TBCA: variants seen among roughly 807,000 people sequenced by gnomAD.
The protein encoded by TBCA is tubulin folding cofactor A.
Under a neutral mutation model 15.8 loss-of-function variants are expected in TBCA, and 6 were observed. The observed-to-expected ratio is 0.38, with a 90% CI of 0.21 to 0.75. The LOEUF (loss-of-function observed/expected upper bound fraction) is 0.75. TBCA is among the 30% of genes least tolerant of loss of function. TBCA has a pLI of 0.46. For synonymous variants in TBCA, 32 were observed against 42.3 expected (o/e 0.76, Z 0.94); for missense variants, 90 against 131.2 (o/e 0.69, Z 1.53).
chr5:77,776,086 G>C (rs1465971315), intron 1 of TBCA, 119 bp downstream of exon 1: 1 of 1,277,942 alleles, frequency 7.8e-7, no homozygotes, highest in Non-Finnish European at 1.1e-6. Flanking sequence ...CGGAGCCCCG[G>C]GTGCGGCCTG....
intron 2 of TBCA, among the ~76,000 whole-genome samples, chr5:77,707,360 T>C (rs150144188): frequency 6.6e-6 from 1 of 152,194 alleles, no homozygotes; most frequent in African/African-American, 2.4e-5. Flanking sequence ...GAAAGTGTTA[T>C]GGGAGCAAAA....
chr5:77,746,730 C>G (rs1580124425), intron 1 of TBCA, among the ~76,000 whole-genome samples: 1 of 152,218 alleles, frequency 6.6e-6, no homozygotes, highest in South Asian at 2.1e-4. Flanking sequence ...AATGTACCAT[C>G]TGGACCACAG....
intron 2 of TBCA, among the ~76,000 whole-genome samples, chr5:77,694,934 A>G (rs765727771): frequency 3.3e-5 from 5 of 152,194 alleles, no homozygotes; most frequent in Non-Finnish European, 7.4e-5. Flanking sequence ...TTCAGAGCTA[A>G]TCATACTATA....
chr5:77,704,411 T>G (rs1746095727), intron 2 of TBCA, among the ~76,000 whole-genome samples: 1 of 152,076 alleles, frequency 6.6e-6, no homozygotes, highest in African/African-American at 2.4e-5. Flanking sequence ...ATACAGCCAA[T>G]TTAGAAGAAG....
At chr5:77,772,145 G>T (rs186865575) in intron 1 of TBCA, among the ~76,000 whole-genome samples, 462 of 151,342 alleles carry the variant, frequency 3.1e-3, no homozygotes, top group Non-Finnish European at 3.7e-3. Context: ...TCTGAATCAT[G>T]AATTAAGGTA....
chr5:77,728,638 G>A (rs1380747293), intron 1 of TBCA, among the ~76,000 whole-genome samples: 1 of 152,048 alleles, frequency 6.6e-6, no homozygotes, highest in Non-Finnish European at 1.5e-5. Flanking sequence ...AAAGTCAAAT[G>A]ATGTTCAAAT....
At chr5:77,720,997 A>C (rs1746518202) in intron 1 of TBCA, among the ~76,000 whole-genome samples, 1 of 152,232 alleles carries the variant, frequency 6.6e-6, no homozygotes, top group Non-Finnish European at 1.5e-5. Context: ...TTTGTCTAAA[A>C]CAGACAGATG....
chr5:77,697,997 G>T (rs1745910067), intron 2 of TBCA, among the ~76,000 whole-genome samples: 1 of 152,034 alleles, frequency 6.6e-6, no homozygotes, highest in South Asian at 2.1e-4. Context: ...ACACACATCT[G>T]TAGTCTCAGC....
At chr5:77,714,965 A>C (rs1204321738) in intron 1 of TBCA, among the ~76,000 whole-genome samples, 1 of 152,236 alleles carries the variant, frequency 6.6e-6, no homozygotes, top group East Asian at 1.9e-4. Context: ...GGCACTTTTT[A>C]GTGGGGAAAT....
At chr5:77,754,234 T>C (rs1156553330) in intron 1 of TBCA, among the ~76,000 whole-genome samples, 1 of 152,218 alleles carries the variant, frequency 6.6e-6, no homozygotes, top group East Asian at 1.9e-4. Flanking sequence ...AAATTACTTT[T>C]CTTTAACCTT....
At chr5:77,715,414 T>C (rs1050197870) in intron 1 of TBCA, 1 of 606,900 alleles carries the variant, frequency 1.6e-6, no homozygotes, top group East Asian at 2.7e-5. Flanking sequence ...TATGAAAACA[T>C]CTTTAAGAAG....
intron 1 of TBCA, among the ~76,000 whole-genome samples, chr5:77,763,892 C>T (rs1747712301): frequency 6.6e-6 from 1 of 152,118 alleles, no homozygotes; most frequent in Non-Finnish European, 1.5e-5. Context: ...TGGGTATATA[C>T]CCAAGAAAAA....
At chr5:77,696,186 T>C (rs190018103) in intron 2 of TBCA, among the ~76,000 whole-genome samples, 1 of 152,332 alleles carries the variant, frequency 6.6e-6, no homozygotes, top group East Asian at 1.9e-4. Context: ...AAGCTGGCTA[T>C]ACCTTTAGCT....
At chr5:77,705,717 A>C (rs900829272) in intron 2 of TBCA, 3 of 394,748 alleles carry the variant, frequency 7.6e-6, no homozygotes, top group African/African-American at 6.2e-5. Flanking sequence ...AGTCCCAGCT[A>C]CTCTGGAGGC....
chr5:77,710,731 CCT>C (rs1391902395), intron 1 of TBCA, among the ~76,000 whole-genome samples: 4 of 151,956 alleles, frequency 2.6e-5, no homozygotes, highest in Non-Finnish European at 5.9e-5. Context: ...CACATAACTC[CCT>C]GTTTCCTTAA....
chr5:77,763,571 CAA>C (rs1747699143), intron 1 of TBCA, among the ~76,000 whole-genome samples: 1 of 152,106 alleles, frequency 6.6e-6, no homozygotes, highest in Non-Finnish European at 1.5e-5. Context: ...GTAATGAAAT[CAA>C]GAGGGTGGAG....
intron 2 of TBCA, among the ~76,000 whole-genome samples, chr5:77,706,856 G>C (rs1448084389): frequency 6.6e-6 from 1 of 150,618 alleles, no homozygotes; most frequent in African/African-American, 2.4e-5. Context: ...AAAAGAAATA[G>C]GAGATGATGC....
intron 1 of TBCA, chr5:77,715,359 G>A: frequency 1.5e-6 from 1 of 686,950 alleles, no homozygotes; most frequent in Non-Finnish European, 2.6e-6. Context: ...TGTGCTATAG[G>A]CCTGAAAAAC....
At chr5:77,750,625 G>T (rs1241304899) in intron 1 of TBCA, among the ~76,000 whole-genome samples, 1 of 151,984 alleles carries the variant, frequency 6.6e-6, no homozygotes, top group African/African-American at 2.4e-5. Flanking sequence ...CTATTGAAAA[G>T]AAAAAAATAG....
Sources: allele counts gnomAD v4.1 joint callset (sites outside exome capture counted in the v4.1 genomes callset), GRCh38; gene constraint gnomAD v4.1.1; transcripts MANE v1.5; gene names NCBI Gene and HGNC (gene_info 2026-07-23, HGNC 2026-07-21).